The following ARNT2 variants were observed in gnomAD, a reference collection of about 807,000 sequenced individuals.
ARNT2 encodes the protein aryl hydrocarbon receptor nuclear translocator 2.
ARNT2 carries 36 observed loss-of-function variants against 91.7 expected under a neutral mutation model. The observed-to-expected ratio is 0.39, with a 90% CI of 0.30 to 0.52. The LOEUF (loss-of-function observed/expected upper bound fraction) is 0.52, where lower values mean the gene tolerates loss of function less well. Among genes scored for constraint, ARNT2 ranks in the 20% least tolerant of loss-of-function variants. ARNT2 has a pLI of 0.72. For missense variants in ARNT2, 775 were observed against 939.3 expected (o/e 0.83, Z 2.29); for synonymous variants, 365 against 347.1 (o/e 1.05, Z -0.57).
intron 5 of ARNT2, among the ~76,000 whole-genome samples, chr15:80,504,352 G>C (rs1373416931): frequency 1.3e-5 from 2 of 152,140 alleles, no homozygotes; most frequent in Non-Finnish European, 2.9e-5. Context: ...CATCCTCTAG[G>C]ATATAATGGC....
chr15:80,461,748 C>G (rs1050634080), intron 3 of ARNT2, among the ~76,000 whole-genome samples: 1 of 151,876 alleles, frequency 6.6e-6, no homozygotes, highest in African/African-American at 2.4e-5. Context: ...ACGGATGGCA[C>G]GAGTTTCAGA....
chr15:80,420,131 C>T (rs1895841904), intron 1 of ARNT2, among the ~76,000 whole-genome samples: 1 of 152,134 alleles, frequency 6.6e-6, no homozygotes, highest in Non-Finnish European at 1.5e-5. Context: ...AACTCCTCTT[C>T]TATCAGCCCC....
chr15:80,413,519 G>A (rs1895721069), intron 1 of ARNT2, among the ~76,000 whole-genome samples: 1 of 152,232 alleles, frequency 6.6e-6, no homozygotes, highest in Non-Finnish European at 1.5e-5. Context: ...GCACATTCAG[G>A]AGTTGTTAGT....
intron 5 of ARNT2, among the ~76,000 whole-genome samples, chr15:80,507,255 G>A (rs529661752): frequency 2.0e-5 from 3 of 152,250 alleles, no homozygotes; most frequent in Non-Finnish European, 4.4e-5. Flanking sequence ...CCAGAACCCC[G>A]TGGGGGGTGG....
At chr15:80,524,862 C>A (rs1333962562) in intron 8 of ARNT2, among the ~76,000 whole-genome samples, 1 of 147,486 alleles carries the variant, frequency 6.8e-6, no homozygotes, top group Admixed American at 6.8e-5. Flanking sequence ...GCGACAGAGC[C>A]AGACTCTGTC....
At chr15:80,484,203 A>C (rs1896931436) in intron 5 of ARNT2, among the ~76,000 whole-genome samples, 1 of 151,794 alleles carries the variant, frequency 6.6e-6, no homozygotes, top group African/African-American at 2.4e-5. Flanking sequence ...AAACAACTTG[A>C]TTTGATCTCG....
intron 10 of ARNT2, among the ~76,000 whole-genome samples, chr15:80,554,388 G>C (rs901452671): frequency 6.6e-6 from 1 of 152,136 alleles, no homozygotes; most frequent in African/African-American, 2.4e-5. Flanking sequence ...CAGCCTGGGG[G>C]ACAAGAGTGA....
chr15:80,437,553 C>T (rs1201927308), intron 1 of ARNT2, among the ~76,000 whole-genome samples: 1 of 152,236 alleles, frequency 6.6e-6, no homozygotes, highest in Non-Finnish European at 1.5e-5. Context: ...TGAGCCTGCT[C>T]AGGGCCTGCC....
chr15:80,575,924 A>G (rs1373785594), intron 14 of ARNT2, among the ~76,000 whole-genome samples: 1 of 152,076 alleles, frequency 6.6e-6, no homozygotes, highest in Non-Finnish European at 1.5e-5. Flanking sequence ...GCTACAACTC[A>G]CTTTTCTCAT....
At chr15:80,450,320 G>C (rs1363071824) in intron 1 of ARNT2, among the ~76,000 whole-genome samples, 1 of 152,172 alleles carries the variant, frequency 6.6e-6, no homozygotes, top group Non-Finnish European at 1.5e-5. Flanking sequence ...TAACACCCTA[G>C]AGCTCACTGT....
chr15:80,571,810 C>T (rs1445208218), intron 12 of ARNT2, among the ~76,000 whole-genome samples: 1 of 152,210 alleles, frequency 6.6e-6, no homozygotes, highest in Admixed American at 6.5e-5. Context: ...CAGCAAAGCA[C>T]CTTGAAATCA....
intron 1 of ARNT2, among the ~76,000 whole-genome samples, chr15:80,407,852 A>G (rs1895622475): frequency 6.6e-6 from 1 of 152,168 alleles, no homozygotes; most frequent in Admixed American, 6.5e-5. Context: ...TAAGAAGGAG[A>G]TTGTTTCCCC....
intron 8 of ARNT2, among the ~76,000 whole-genome samples, chr15:80,531,091 T>G (rs1897732037): frequency 6.6e-6 from 1 of 152,256 alleles, no homozygotes; most frequent in South Asian, 2.1e-4. Context: ...ACAAGTACCC[T>G]TAACTCTGCT....
At chr15:80,418,187 G>T (rs576865755) in intron 1 of ARNT2, among the ~76,000 whole-genome samples, 1 of 152,184 alleles carries the variant, frequency 6.6e-6, no homozygotes, top group East Asian at 1.9e-4. Flanking sequence ...AAGAGAGGGG[G>T]TCTGTCATGG....
At chr15:80,492,821 G>T (rs567370102) in intron 5 of ARNT2, among the ~76,000 whole-genome samples, 7 of 152,022 alleles carry the variant, frequency 4.6e-5, no homozygotes, top group Non-Finnish European at 1.0e-4. Flanking sequence ...CTGAAATCAT[G>T]TTTTTCATCT....
At chr15:80,454,541 T>C (rs1286815913) in intron 2 of ARNT2, among the ~76,000 whole-genome samples, 2 of 152,204 alleles carry the variant, frequency 1.3e-5, no homozygotes, top group Admixed American at 6.5e-5. Context: ...TGCAGGTATA[T>C]TTATGTAAGC....
At chr15:80,548,445 A>C (rs544857707) in intron 8 of ARNT2, among the ~76,000 whole-genome samples, 84 of 152,296 alleles carry the variant, frequency 5.5e-4, no homozygotes, top group Middle Eastern at 6.8e-3. Flanking sequence ...ATACAACTAA[A>C]CAAGAGAAAT....
chr15:80,552,622 G>A lies in ARNT2; in HGVS notation c.955-18G>A. 1.2e-6 allele frequency: 2 copies of A among 1,612,794 alleles called. No individual in the cohort carries two copies. The highest frequency in any genetic ancestry group is 1.3e-5 in the African/African-American group (1 of 74,984). ...TCTCTGTCAACACCACCTCAACTGTGGATTTTCCCCATCCCAGGTGACCAG... is the reference window on the plus strand; with the variant it reads ...TCTCTGTCAACACCACCTCAACTGTAGATTTTCCCCATCCCAGGTGACCAG... On this transcript the variant is annotated intron_variant, in intron 9 of 18. Transcript: ENST00000303329.
chr15:80,449,648 G>A (rs1389783236), intron 1 of ARNT2, among the ~76,000 whole-genome samples: 1 of 152,146 alleles, frequency 6.6e-6, no homozygotes, highest in Non-Finnish European at 1.5e-5. Context: ...ATTGTGTATT[G>A]TAAAATTCTT....
Sources: allele counts gnomAD v4.1 joint callset (sites outside exome capture counted in the v4.1 genomes callset), GRCh38; gene constraint gnomAD v4.1.1; transcripts MANE v1.5; gene names NCBI Gene and HGNC (gene_info 2026-07-23, HGNC 2026-07-21).